The following DMXL1 variants were observed in gnomAD, a reference collection of about 807,000 sequenced individuals.
DMXL1 encodes dmX-like protein 1.
In DMXL1, 99 loss-of-function variants were observed where a neutral mutation model predicts 319.2. That is an observed-to-expected ratio of 0.31 (90% CI 0.26 to 0.37). The LOEUF (loss-of-function observed/expected upper bound fraction) is 0.37. Among genes scored for constraint, DMXL1 ranks in the 10% least tolerant of loss-of-function variants. DMXL1 has a pLI of 1.00. For missense variants in DMXL1, 3,745 were observed against 3,595.6 expected, an observed-to-expected ratio of 1.04 and a Z score of -1.06; for synonymous variants, 1,385 against 1,235.2, an observed-to-expected ratio of 1.12 and a Z score of -2.54.
intron 38 of DMXL1, 128 bp downstream of exon 38, chr5:119,224,897 C>A: frequency 3.3e-5 from 12 of 369,006 alleles, no homozygotes; most frequent in South Asian, 1.1e-4. Flanking sequence ...TTTTTTCTAG[C>A]GAATATTTGC....
At chr5:119,124,160 A>G (rs1312973587) in intron 9 of DMXL1, among the ~76,000 whole-genome samples, 1 of 151,564 alleles carries the variant, frequency 6.6e-6, no homozygotes, top group Non-Finnish European at 1.5e-5. Flanking sequence ...AATACAAAAA[A>G]AAAAATTAGC....
intron 29 of DMXL1, among the ~76,000 whole-genome samples, chr5:119,192,114 A>G (rs889711455): frequency 6.6e-6 from 1 of 151,858 alleles, no homozygotes; most frequent in Admixed American, 6.6e-5. Context: ...CTTCCATCCT[A>G]TCCTCACTCT....
rs527593086 is a variant in DMXL1, at chr5:119,170,370, C to T, written c.5579C>T (p.Thr1860Ile). The change falls in exon 24 of 44, where the codon ACC (threonine) becomes ATC (isoleucine). Residue 1860 changes from threonine to isoleucine, a missense_variant. Thr to Ile is a moderately conservative substitution (Grantham distance 89, BLOSUM62 -1). Coordinates refer to ENST00000539542, the MANE Select transcript of DMXL1 (RefSeq NM_001290321.3). The part of the protein sequence containing the change: ...INLSERRLFF[T>I]TASAHLKAGC... The stretch of plus-strand genomic sequence containing the variant: ...TTAAGTGAAAGACGTTTATTTTTTA[C>T]CACTGCCAGTGCTCATTTAAAAGCT... 3.1e-6 allele frequency: 5 copies of T among 1,613,858 alleles called. No individual in the cohort carries two copies. The highest frequency in any genetic ancestry group is 4.2e-6 in the Non-Finnish European group (5 of 1,179,918).
At chr5:119,110,011 C>T (rs947632082) in intron 4 of DMXL1, 140 bp from the exon 5 acceptor site, 4 of 631,584 alleles carry the variant, frequency 6.3e-6, no homozygotes, top group African/African-American at 1.9e-5. Flanking sequence ...AATTAAAATA[C>T]AGCCTTCTCC....
At chr5:119,239,146 T>C (rs1365703827) in intron 41 of DMXL1, 66 bp downstream of exon 41, 1 of 1,530,936 alleles carries the variant, frequency 6.5e-7, no homozygotes, top group East Asian at 2.3e-5. Flanking sequence ...ATTGTTTCTG[T>C]CCTTGTGTTT....
chr5:119,106,483 A>G (rs1047947894), intron 4 of DMXL1, among the ~76,000 whole-genome samples: 1 of 152,194 alleles, frequency 6.6e-6, no homozygotes, highest in African/African-American at 2.4e-5. Context: ...ATACATTATA[A>G]TAAGGATTAG....
At chr5:119,169,947 A>G (rs1308116800) in intron 23 of DMXL1, among the ~76,000 whole-genome samples, 1 of 152,190 alleles carries the variant, frequency 6.6e-6, no homozygotes, top group Non-Finnish European at 1.5e-5. Flanking sequence ...ATCCTAGAAT[A>G]TTACCTGAAG....
intron 13 of DMXL1, among the ~76,000 whole-genome samples, chr5:119,142,918 A>C (rs940755303): frequency 7.2e-5 from 11 of 152,062 alleles, no homozygotes; most frequent in African/African-American, 1.2e-4. Context: ...TCATAAAGCA[A>C]CTTCTTTATG....
intron 28 of DMXL1, among the ~76,000 whole-genome samples, chr5:119,185,548 G>A (rs866823300): frequency 8.6e-5 from 13 of 151,976 alleles, no homozygotes; most frequent in African/African-American, 3.1e-4. Context: ...TGTCACCCAG[G>A]CTGGAGTGCA....
chr5:119,138,532 C>T (rs555982528), intron 13 of DMXL1, among the ~76,000 whole-genome samples: 33 of 152,192 alleles, frequency 2.2e-4, no homozygotes, highest in African/African-American at 7.2e-4. Flanking sequence ...AAGGGTGAGA[C>T]TATAGTTAGA....
intron 33 of DMXL1, among the ~76,000 whole-genome samples, chr5:119,205,904 A>G (rs1781656462): frequency 1.3e-5 from 2 of 152,090 alleles, no homozygotes; most frequent in Non-Finnish European, 2.9e-5. Flanking sequence ...GTGATTTTCC[A>G]GATGGTTAGG....
chr5:119,143,101 G>A (rs1209373523), intron 13 of DMXL1, among the ~76,000 whole-genome samples: 1 of 151,928 alleles, frequency 6.6e-6, no homozygotes, highest in East Asian at 1.9e-4. Flanking sequence ...AGGAGGGAGA[G>A]GACCAGAAAA....
At chr5:119,151,278 A>G (rs1472350667) in intron 18 of DMXL1, among the ~76,000 whole-genome samples, 2 of 152,132 alleles carry the variant, frequency 1.3e-5, no homozygotes, top group African/African-American at 2.4e-5. Context: ...ATAAAATCTC[A>G]AGTAAGTTCT....
In DMXL1 at chr5:119,197,917, G is replaced by A. The variant is rs750990275; in HGVS notation, c.7706G>A (p.Arg2569His). The A allele has an allele frequency of 3.1e-6, 5 of 1,614,006 alleles. No homozygotes were observed. The highest frequency in any genetic ancestry group is 1.3e-5 in the African/African-American group (1 of 74,904). ...TTGTCTGCAGGTCCTGCAATTCTTC[G>A]CCACAAAGCTTTACTGGAACCTACA... ...ESLSAGPAIL[R>H]HKALLEPTNT... The change falls in exon 32 of 44, where the codon CGC (arginine) becomes CAC (histidine). Residue 2569 changes from arginine to histidine, a missense_variant. Arg to His is a conservative substitution (Grantham distance 29). Coordinates refer to ENST00000539542, the MANE Select transcript of DMXL1 (RefSeq NM_001290321.3).
At chr5:119,181,508 C>G (rs1377526293) in intron 28 of DMXL1, among the ~76,000 whole-genome samples, 1 of 152,188 alleles carries the variant, frequency 6.6e-6, no homozygotes. Flanking sequence ...CTGCTGGTTT[C>G]AAAGCCAAGC....
intron 42 of DMXL1, 108 bp from the exon 43 acceptor site, chr5:119,244,251 T>C: frequency 1.3e-6 from 1 of 780,134 alleles, no homozygotes; most frequent in Admixed American, 2.9e-5. Flanking sequence ...TTTTTAATTG[T>C]TTCAGGCAGG....
chr5:119,097,313 C>G (rs967865795), intron 1 of DMXL1, among the ~76,000 whole-genome samples: 2 of 152,148 alleles, frequency 1.3e-5, no homozygotes, highest in Non-Finnish European at 2.9e-5. Flanking sequence ...TCAAATATCA[C>G]TCTTTGTGGA....
intron 38 of DMXL1, among the ~76,000 whole-genome samples, chr5:119,228,817 G>A (rs1303566434): frequency 6.6e-6 from 1 of 151,964 alleles, no homozygotes; most frequent in Non-Finnish European, 1.5e-5. Flanking sequence ...TTTAACCAGA[G>A]TGATAATTAA....
chr5:119,121,252 G>T, intron 9 of DMXL1, 113 bp downstream of exon 9: 5 of 808,420 alleles, frequency 6.2e-6, no homozygotes, highest in South Asian at 7.7e-5. Context: ...GACTGTCTTA[G>T]CCTATTTTTC....
Sources: allele counts gnomAD v4.1 joint callset (sites outside exome capture counted in the v4.1 genomes callset), GRCh38; gene constraint gnomAD v4.1.1; transcripts MANE v1.5; gene names NCBI Gene and HGNC (gene_info 2026-07-23, HGNC 2026-07-21).